Variants in BMP7 observed in about 807,000 individuals in gnomAD.
BMP7 encodes bone morphogenetic protein 7.
A neutral mutation model predicts 41.2 loss-of-function variants in BMP7; 12 were observed. The ratio of observed to expected loss-of-function variants is 0.29; its 90% CI spans 0.19 to 0.47. The LOEUF (loss-of-function observed/expected upper bound fraction) is 0.47, where lower values mean the gene tolerates loss of function less well. Ranked by LOEUF, BMP7 falls within the 20% of genes least tolerant of loss-of-function variation. BMP7 has a pLI of 0.99. For synonymous variants in BMP7, 248 were observed against 250.0 expected, an observed-to-expected ratio of 0.99 and a Z score of 0.07; for missense variants, 467 against 606.0, an observed-to-expected ratio of 0.77 and a Z score of 2.41.
chr20:57,183,997 T>A, intron 3 of BMP7, 78 bp from the exon 4 acceptor site: 1 of 1,495,198 alleles, frequency 6.7e-7, no homozygotes, highest in Non-Finnish European at 9.1e-7. Flanking sequence ...AGAGATGCTA[T>A]GCCTCCCGGT....
rs572210562 is a variant in BMP7, at chr20:57,173,135, G to A, written c.1146+65C>T. 70 of 1,512,756 alleles carry A rather than the reference G, an allele frequency of 4.6e-5. 1 individual carries two copies. The South Asian group carries it at 7.2e-4, about 16-fold the overall frequency. The allele number at this position is 1,512,756 out of a possible 1,614,324, so 93.7% of individuals were successfully genotyped here. Reference sequence around the variant, plus strand: ...CTCAGGCCCCAGCTTGGAGGCAGCAGGATCTGGTGGCCCCGCAGCCTGCCC... The same window carrying A: ...CTCAGGCCCCAGCTTGGAGGCAGCAAGATCTGGTGGCCCCGCAGCCTGCCC... On this transcript the variant is annotated intron_variant, in intron 6 of 6. Coordinates refer to ENST00000395863, the MANE Select transcript of BMP7 (RefSeq NM_001719.3).
intron 3 of BMP7, among the ~76,000 whole-genome samples, chr20:57,192,516 T>C (rs1465036938): frequency 1.3e-5 from 2 of 151,660 alleles, no homozygotes; most frequent in Non-Finnish European, 2.9e-5. Context: ...CGTAACTATT[T>C]ACTTTGATTA....
chr20:57,202,218 C>T (rs1984636314), intron 3 of BMP7, among the ~76,000 whole-genome samples: 1 of 152,096 alleles, frequency 6.6e-6, no homozygotes, highest in African/African-American at 2.4e-5. Context: ...AGAGGGCTGC[C>T]CTCACCCCTG....
At chr20:57,216,424 C>T (rs1457727843) in intron 2 of BMP7, among the ~76,000 whole-genome samples, 1 of 152,196 alleles carries the variant, frequency 6.6e-6, no homozygotes, top group Non-Finnish European at 1.5e-5. Context: ...ACACTGTGGG[C>T]CTGGGACTTC....
rs1018960062 is a variant in BMP7 at position 57,214,644 on chromosome 20, C to T, written c.612-12021G>A. Among the ~76,000 whole-genome samples, 8 of 152,184 alleles carry T rather than the reference C, an allele frequency of 5.3e-5. No homozygotes were observed. The highest frequency in any genetic ancestry group is 2.0e-4 in the Admixed American group (3 of 15,286). ...GTTCCCTGCCTTTTCACCTCCCTCA[C>T]ACCTGCCTGTTCTTGAGCATCCCAG... is the stretch of plus-strand genomic sequence containing the variant. On this transcript the variant is annotated intron_variant, in intron 2 of 6. Coordinates refer to ENST00000395863, the MANE Select transcript of BMP7 (RefSeq NM_001719.3). The surrounding 1 kb of genome is among the most constrained non-coding windows in gnomAD (Gnocchi z 4.0).
chr20:57,208,356 T>A (rs1984791508), intron 2 of BMP7, among the ~76,000 whole-genome samples: 1 of 152,104 alleles, frequency 6.6e-6, no homozygotes. Context: ...TCAGCAACCA[T>A]TAGGGAAACG....
At chr20:57,184,995 G>A (rs922234017) in intron 3 of BMP7, among the ~76,000 whole-genome samples, 11 of 152,158 alleles carry the variant, frequency 7.2e-5, no homozygotes, top group South Asian at 6.2e-4. Flanking sequence ...ACACCAAGGC[G>A]CTCTACAAGA....
chr20:57,181,848 G>A (rs1984089174), intron 4 of BMP7, among the ~76,000 whole-genome samples: 1 of 152,348 alleles, frequency 6.6e-6, no homozygotes, highest in Middle Eastern at 3.4e-3. Flanking sequence ...CTGCTACACA[G>A]AGCCCGCGTA....
chr20:57,200,294 C>T (rs939383287), intron 3 of BMP7, among the ~76,000 whole-genome samples: 21 of 152,216 alleles, frequency 1.4e-4, no homozygotes, highest in South Asian at 4.1e-4. Flanking sequence ...GTCACAAGGC[C>T]GGAAATAGCA....
chr20:57,196,636 T>C (rs1167673264), intron 3 of BMP7, among the ~76,000 whole-genome samples: 1 of 152,186 alleles, frequency 6.6e-6, no homozygotes. Flanking sequence ...CATGCTGGGA[T>C]GCAGGGCCCA....
intron 4 of BMP7, among the ~76,000 whole-genome samples, chr20:57,178,383 G>A (rs1340245707): frequency 6.6e-6 from 1 of 152,110 alleles, no homozygotes. Flanking sequence ...ATGCTGCAAG[G>A]GGGTGCTCAG....
In BMP7 at chr20:57,261,677, G is replaced by A. The variant is rs1343478684; in HGVS notation, c.418+4028C>T. Among the ~76,000 whole-genome samples, 1 of 152,216 alleles carries A rather than the reference G, an allele frequency of 6.6e-6. No homozygotes were observed. Among genetic ancestry groups the A allele is most frequent in the African/African-American group, 2.4e-5 (1 of 41,458 alleles). On this transcript the variant is annotated intron_variant, in intron 1 of 6. Transcript: ENST00000395863. This position sits in a 1 kb window ranked among gnomAD's most constrained non-coding sequence, Gnocchi z 4.1. ...GTGACATCTATATTAACCTTTGGCT[G>A]CTCACCAGTGAGGGCCGGCGCTCCG...
rs765758874 is a variant in BMP7, at chr20:57,195,134, G to A, written c.760+7341C>T. Among the ~76,000 whole-genome samples, 7 of 152,304 alleles carry A rather than the reference G, an allele frequency of 4.6e-5. 1 individual carries two copies. Among genetic ancestry groups the A allele is most frequent in the South Asian group, 4.1e-4 (2 of 4,822 alleles). ...TGAGCAAAATCGGCATGGCCAGCCC[G>A]AGGAACCCAGCGAACTCTGCGGAAA... On this transcript the variant is annotated intron_variant, in intron 3 of 6. Transcript: ENST00000395863.
At chr20:57,196,328 AC>A (rs143075249) in intron 3 of BMP7, among the ~76,000 whole-genome samples, 1 of 152,204 alleles carries the variant, frequency 6.6e-6, no homozygotes, top group Non-Finnish European at 1.5e-5. Context: ...AGAGCCTCAG[AC>A]CTCATCTGCA....
intron 1 of BMP7, among the ~76,000 whole-genome samples, chr20:57,236,419 G>C (rs1281187514): frequency 1.3e-5 from 2 of 152,162 alleles, no homozygotes; most frequent in Admixed American, 6.5e-5. Flanking sequence ...CTGGACAGTT[G>C]GAAAAAGAGG....
At chr20:57,198,323 G>A (rs1984550178) in intron 3 of BMP7, among the ~76,000 whole-genome samples, 1 of 151,962 alleles carries the variant, frequency 6.6e-6, no homozygotes, top group Non-Finnish European at 1.5e-5. Flanking sequence ...ATCCAGCATG[G>A]GCTGTAGGAC....
chr20:57,255,164 C>T (rs1297379538), intron 1 of BMP7, among the ~76,000 whole-genome samples: 2 of 152,156 alleles, frequency 1.3e-5, no homozygotes, highest in African/African-American at 4.8e-5. Flanking sequence ...CTCCCCGCTA[C>T]CTATTCGATA....
Position 57,259,653 on chromosome 20 carries a change from G to A in BMP7, c.418+6052C>T, listed in dbSNP as rs1021347731. 3.9e-5 allele frequency among the ~76,000 whole-genome samples: 6 copies of A among 152,126 alleles called. No homozygotes were observed. Among genetic ancestry groups the A allele is most frequent in the East Asian group, 1.9e-4 (1 of 5,204 alleles). The stretch of plus-strand genomic sequence containing the variant: ...ACGCGGATCAGCACAGGCTTTGCGC[G>A]GCTCCCCACAATGCCTTCCGACACA... On this transcript the variant is annotated intron_variant, in intron 1 of 6. Transcript: ENST00000395863. The surrounding 1 kb of genome is among the most constrained non-coding windows in gnomAD (Gnocchi z 4.7).
intron 1 of BMP7, among the ~76,000 whole-genome samples, chr20:57,245,693 C>T (rs942860764): frequency 7.0e-6 from 1 of 143,250 alleles, no homozygotes; most frequent in Admixed American, 7.2e-5. Context: ...GGCTGGAGTG[C>T]AGTGGCGTGA....
Sources: allele counts gnomAD v4.1 joint callset (sites outside exome capture counted in the v4.1 genomes callset), GRCh38; gene constraint gnomAD v4.1.1; non-coding constraint Gnocchi (gnomAD v3.1); transcripts MANE v1.5; gene names NCBI Gene and HGNC (gene_info 2026-07-23, HGNC 2026-07-21).